MTUS1: variants seen among roughly 807,000 people sequenced by gnomAD.
MTUS1 encodes microtubule-associated tumor suppressor 1.
MTUS1 carries 109 observed loss-of-function variants against 120.8 expected under a neutral mutation model. That is an observed-to-expected ratio of 0.90 (90% CI 0.77 to 1.06). MTUS1 has a LOEUF of 1.06. MTUS1 is among the 50% of genes least tolerant of loss of function. The pLI is 0.00. For missense variants in MTUS1, 2,210 were observed against 1,486.3 expected (o/e 1.49, Z -8.01); for synonymous variants, 737 against 550.5 (o/e 1.34, Z -4.74).
At chr8:17,695,339 G>C (rs1447695484) in intron 6 of MTUS1, among the ~76,000 whole-genome samples, 3 of 152,156 alleles carry the variant, frequency 2.0e-5, no homozygotes, top group Non-Finnish European at 4.4e-5. Context: ...CTAAATAGAA[G>C]TCCCAGGTTT....
At chr8:17,674,957 A>T in intron 8 of MTUS1, 4 of 1,279,870 alleles carry the variant, frequency 3.1e-6, no homozygotes, top group Non-Finnish European at 3.9e-6. Flanking sequence ...TTTGCTCATC[A>T]GAAGTTCTGC....
At chr8:17,676,049 TAAA>T in intron 7 of MTUS1, 1 of 525,496 alleles carries the variant, frequency 1.9e-6, no homozygotes, top group South Asian at 2.4e-5. Flanking sequence ...AGGGAGTAAC[TAAA>T]AAAAAAATGA....
At chr8:17,669,778 G>C (rs758491681) in intron 8 of MTUS1, among the ~76,000 whole-genome samples, 6 of 152,150 alleles carry the variant, frequency 3.9e-5, no homozygotes, top group Non-Finnish European at 7.3e-5. Context: ...CCAGGAGGTG[G>C]AGGTTGCAGT....
chr8:17,760,037 T>C (rs2131372740), intron 1 of MTUS1, among the ~76,000 whole-genome samples: 1 of 149,430 alleles, frequency 6.7e-6, no homozygotes, highest in African/African-American at 2.4e-5. Context: ...AGCAGGACCC[T>C]ACCTCTACGA....
chr8:17,753,989 C>T lies in MTUS1; in HGVS notation c.1819G>A (p.Ala607Thr). 6.2e-7 allele frequency: 1 copy of T among 1,614,204 alleles called. No homozygotes were observed. The highest frequency in any genetic ancestry group is 8.5e-7 in the Non-Finnish European group (1 of 1,180,044). Residue 607 changes from alanine (A) to threonine (T), a missense_variant, in exon 2 of 15, where the codon GCC becomes ACC. Transcript: ENST00000693296. ...ACATCTTCCTGATTCGATTTCACGGCAGATGTTGTTCTTGGAACCCTGTGT... is the reference window on the plus strand; with the variant it reads ...ACATCTTCCTGATTCGATTTCACGGTAGATGTTGTTCTTGGAACCCTGTGT... ...ASHRVPRTTS[A>T]VKSNQEDVDK... is the part of the protein sequence containing the mutation.
At chr8:17,769,871 ACT>A (rs1166770259) in intron 1 of MTUS1, among the ~76,000 whole-genome samples, 41 of 114,968 alleles carry the variant, frequency 3.6e-4, no homozygotes, top group African/African-American at 1.4e-3. Flanking sequence ...CCACTGCCAC[ACT>A]CTTTGCTTAC....
At chr8:17,737,731 C>G (rs959016523) in intron 3 of MTUS1, among the ~76,000 whole-genome samples, 2 of 152,170 alleles carry the variant, frequency 1.3e-5, no homozygotes, top group African/African-American at 4.8e-5. Context: ...AAGTAATCCT[C>G]CCACTTCATC....
At chr8:17,704,911 G>T (rs537578263) in intron 6 of MTUS1, among the ~76,000 whole-genome samples, 24 of 152,266 alleles carry the variant, frequency 1.6e-4, no homozygotes, top group African/African-American at 5.3e-4. Flanking sequence ...ATTTGACAGA[G>T]CTCTACACAG....
chr8:17,784,164 G>A (rs778406970), intron 1 of MTUS1, among the ~76,000 whole-genome samples: 78 of 152,066 alleles, frequency 5.1e-4, no homozygotes, highest in Non-Finnish European at 9.0e-4. Flanking sequence ...TAGCTTAGCC[G>A]TTATAGGCAA....
At chr8:17,667,284 T>C (rs1453515442) in intron 8 of MTUS1, among the ~76,000 whole-genome samples, 1 of 152,220 alleles carries the variant, frequency 6.6e-6, no homozygotes, top group African/African-American at 2.4e-5. Flanking sequence ...CCTGTTTTGG[T>C]GTACAGTTGG....
intron 1 of MTUS1, among the ~76,000 whole-genome samples, chr8:17,776,212 T>G (rs537402143): frequency 6.6e-6 from 1 of 152,280 alleles, no homozygotes; most frequent in East Asian, 1.9e-4. Context: ...AGCACTTACA[T>G]TAGGTATTAA....
intron 2 of MTUS1, chr8:17,747,992 G>C (rs1314808887): frequency 2.0e-5 from 3 of 152,114 alleles, no homozygotes; most frequent in East Asian, 3.9e-4. Context: ...GCATGGCAAA[G>C]ACCTGCCCCC....
At chr8:17,679,282 A>G (rs1250541502) in intron 7 of MTUS1, among the ~76,000 whole-genome samples, 3 of 152,032 alleles carry the variant, frequency 2.0e-5, no homozygotes, top group Non-Finnish European at 4.4e-5. Flanking sequence ...CATGTATATA[A>G]AAAACATACA....
intron 6 of MTUS1, among the ~76,000 whole-genome samples, chr8:17,706,659 T>C (rs1463872488): frequency 2.6e-5 from 4 of 152,204 alleles, no homozygotes; most frequent in African/African-American, 7.2e-5. Context: ...TGGGTACATA[T>C]TGTGATTTCC....
chr8:17,697,700 T>G, intron 6 of MTUS1: 1 of 1,012,098 alleles, frequency 9.9e-7, no homozygotes, highest in Non-Finnish European at 1.2e-6. Flanking sequence ...ATGGTTTTCA[T>G]CCGAGATGGT....
chr8:17,751,836 G>C (rs1440430567), intron 2 of MTUS1, among the ~76,000 whole-genome samples: 1 of 126,760 alleles, frequency 7.9e-6, no homozygotes, highest in Non-Finnish European at 1.6e-5. Flanking sequence ...CCAGCCTGGC[G>C]AAAGAGCAAG....
Position 17,711,683 on chromosome 8 carries a change from A to C in MTUS1, c.2623+1531T>G, listed in dbSNP as rs529208953. 2.0e-5 allele frequency among the ~76,000 whole-genome samples: 3 copies of C among 152,226 alleles called. No homozygotes were observed. The South Asian group carries it at 6.2e-4, about 32-fold the overall frequency. ...TCAAGAACTTTTCCTTTCCATTTAC[A>C]ACTTGGCTAACTGCTTGGCACAAGA... On this transcript the variant is annotated intron_variant, in intron 6 of 14. Transcript: ENST00000693296.
chr8:17,724,074 A>G (rs903861862), intron 3 of MTUS1: 4 of 576,688 alleles, frequency 6.9e-6, no homozygotes, highest in Non-Finnish European at 1.3e-5. Flanking sequence ...TGTAGGAGTA[A>G]CCCTGTCTCC....
chr8:17,763,432 C>T (rs558309613), intron 1 of MTUS1, among the ~76,000 whole-genome samples: 2 of 152,312 alleles, frequency 1.3e-5, no homozygotes, highest in African/African-American at 2.4e-5. Flanking sequence ...CATACCACTT[C>T]GGCTTATTCC....
Sources: gnomAD v4.1 joint callset for allele counts (sites outside exome capture counted in the v4.1 genomes callset) on GRCh38, gnomAD v4.1.1 for gene constraint, MANE v1.5 for transcripts, NCBI Gene and HGNC (gene_info 2026-07-23, HGNC 2026-07-21) for gene names.